Variants in KMT2C observed in about 807,000 individuals in gnomAD.
KMT2C encodes the protein lysine methyltransferase 2C.
A neutral mutation model predicts 507.9 loss-of-function variants in KMT2C; 88 were observed. That is an observed-to-expected ratio of 0.17 (90% CI 0.15 to 0.21). The LOEUF (loss-of-function observed/expected upper bound fraction) is 0.21, where lower values mean the gene tolerates loss of function less well. Ranked by LOEUF, KMT2C falls within the 10% of genes least tolerant of loss-of-function variation. The probability of loss-of-function intolerance (pLI) is 1.00; values close to 1 mark genes in which losing one functional copy is unlikely to be tolerated. For missense variants in KMT2C, 4,954 were observed against 5,957.8 expected (o/e 0.83, Z 5.55); for synonymous variants, 2,049 against 2,080.8 (o/e 0.98, Z 0.42).
chr7:152,154,234 A>G (rs1235412252), intron 47 of KMT2C, 33 bp downstream of exon 47: 1 of 1,612,842 alleles, frequency 6.2e-7, no homozygotes, highest in East Asian at 2.2e-5. Context: ...GCGTAGTGTA[A>G]AGGGAAATAA....
Position 152,250,718 on chromosome 7 carries a change from T to G in KMT2C, c.1735+135A>C. The stretch of plus-strand genomic sequence containing the variant: ...ATGTCCTTTCTCCTATTAATTTGTC[T>G]AAGATTATTTTACTAAAAAACTCTT... On this transcript the variant is annotated intron_variant, in intron 12 of 58. Coordinates refer to ENST00000262189, the MANE Select transcript of KMT2C (RefSeq NM_170606.3). 2 of 565,272 alleles carry G rather than the reference T, an allele frequency of 3.5e-6. 1 individual carries two copies. Among genetic ancestry groups the G allele is most frequent in the South Asian group, 4.9e-5 (2 of 40,836 alleles). The allele number at this position is 565,272 out of a possible 1,614,324, so 35.0% of individuals were successfully genotyped here. A position where few individuals can be genotyped will look rare whatever the true frequency, so the allele number is the denominator to read the frequency against.
chr7:152,284,462 T>C (rs2096266110), intron 6 of KMT2C, among the ~76,000 whole-genome samples: 1 of 152,096 alleles, frequency 6.6e-6, no homozygotes. Flanking sequence ...AATTTAACCA[T>C]AAATGGATTT....
chr7:152,195,527 G>A, intron 28 of KMT2C: 1 of 984,926 alleles, frequency 1.0e-6, no homozygotes, highest in Non-Finnish European at 1.2e-6. Context: ...CTTACCAAAT[G>A]GAAAAGGTGA....
At chr7:152,384,558 C>CACCACCACT in intron 1 of KMT2C, among the ~76,000 whole-genome samples, 1 of 78,988 alleles carries the variant, frequency 1.3e-5, no homozygotes, top group East Asian at 3.2e-4. Context: ...ACACCACCAC[C>CACCACCACT]ACCACCACCA....
intron 23 of KMT2C, among the ~76,000 whole-genome samples, chr7:152,211,960 A>G (rs531327074): frequency 2.0e-5 from 3 of 152,290 alleles, no homozygotes; most frequent in Admixed American, 6.5e-5. Flanking sequence ...AGGCAAGAGA[A>G]TGGCACGAAC....
chr7:152,167,415 TAA>T, intron 41 of KMT2C, 37 bp from the exon 42 acceptor site: 2 of 1,373,344 alleles, frequency 1.5e-6, no homozygotes, highest in Non-Finnish European at 2.1e-6. Flanking sequence ...GTTAATTTTC[TAA>T]AGAGTCCAAC....
At chr7:152,268,557 T>G (rs965306984) in intron 7 of KMT2C, among the ~76,000 whole-genome samples, 3 of 152,202 alleles carry the variant, frequency 2.0e-5, no homozygotes, top group African/African-American at 7.2e-5. Flanking sequence ...TGATAGGCAT[T>G]TAAAATAAAT....
chr7:152,406,837 T>TG (rs2097620643), intron 1 of KMT2C, among the ~76,000 whole-genome samples: 7 of 151,920 alleles, frequency 4.6e-5, no homozygotes, highest in African/African-American at 1.7e-4. Context: ...TTTTTATTTT[T>TG]TGGTTTTTTT....
intron 7 of KMT2C, among the ~76,000 whole-genome samples, chr7:152,271,467 T>C (rs1044388365): frequency 6.6e-5 from 10 of 151,228 alleles, no homozygotes; most frequent in Non-Finnish European, 1.0e-4. Flanking sequence ...AGGTCAGGAG[T>C]TCGAGACGAA....
At chr7:152,283,690 T>C (rs1206089589) in intron 6 of KMT2C, among the ~76,000 whole-genome samples, 2 of 152,084 alleles carry the variant, frequency 1.3e-5, no homozygotes, top group Non-Finnish European at 2.9e-5. Context: ...CCTTGAAACA[T>C]AACTTTGGTG....
chr7:152,364,629 A>AAAAAAAAG (rs1554679999), intron 1 of KMT2C, among the ~76,000 whole-genome samples: 12 of 147,760 alleles, frequency 8.1e-5, no homozygotes, highest in African/African-American at 3.1e-4. Flanking sequence ...AAGAAAAGAA[A>AAAAAAAAG]AAAAGAAAAA....
Position 152,196,018 on chromosome 7 carries a change from A to G in KMT2C, c.4274-7T>C. 6.6e-7 allele frequency: 1 copy of G among 1,513,478 alleles called. No homozygotes were observed. Among genetic ancestry groups the G allele is most frequent in the Non-Finnish European group, 9.1e-7 (1 of 1,103,630 alleles). 93.8% of individuals were successfully genotyped at this position (1,513,478 alleles called of 1,614,324 possible). On this transcript the variant is annotated splice_region_variant and splice_polypyrimidine_tract_variant and intron_variant, in intron 27 of 58. Coordinates refer to ENST00000262189, the MANE Select transcript of KMT2C (RefSeq NM_170606.3). ...AATGGGTCATCAGCAGGACCTAAAT[A>G]TAGTAAATATGTTTTTTAAAATTTC...
At chr7:152,219,838 C>CA (rs1275898368) in intron 23 of KMT2C, among the ~76,000 whole-genome samples, 1 of 151,752 alleles carries the variant, frequency 6.6e-6, no homozygotes, top group Non-Finnish European at 1.5e-5. Flanking sequence ...CCCATCTCTA[C>CA]AAAAAAATAC....
intron 6 of KMT2C, among the ~76,000 whole-genome samples, chr7:152,290,896 A>G (rs77325743): frequency 2.6e-5 from 4 of 151,406 alleles, no homozygotes; most frequent in Non-Finnish European, 3.0e-5. Context: ...ATCTTTTTAA[A>G]TATAAATAAA....
chr7:152,138,695 A>G lies in KMT2C; in HGVS notation c.14643+101T>C, dbSNP rs548486460. 3 of 782,402 alleles carry G rather than the reference A, an allele frequency of 3.8e-6. No homozygotes were observed. The East Asian group carries it at 7.6e-5, about 20-fold the overall frequency. 48.5% of individuals were successfully genotyped at this position (782,402 alleles called of 1,614,324 possible). ...TATTATGGACAGAGTTTTTATCACA[A>G]CAAAGAATTGGGAAACAAGTGAGTA... is the stretch of plus-strand genomic sequence containing the variant. On this transcript the variant is annotated intron_variant, in intron 58 of 58. Coordinates refer to ENST00000262189, the MANE Select transcript of KMT2C (RefSeq NM_170606.3). This position sits in a 1 kb window ranked among gnomAD's most constrained non-coding sequence, Gnocchi z 4.2.
Position 152,151,523 on chromosome 7 carries a change from T to C in KMT2C, c.12585A>G (p.Pro4195=), listed in dbSNP as rs771536940. The C allele has an allele frequency of 1.5e-5, 25 of 1,614,000 alleles. No homozygotes were observed. The East Asian group carries it at 5.3e-4, about 35-fold the overall frequency. The change falls in exon 50 of 59, where the codon CCA becomes CCG. Residue 4195 remains proline, a synonymous_variant. Coordinates refer to ENST00000262189, the MANE Select transcript of KMT2C (RefSeq NM_170606.3). ...HGIAESAALR[P]QWCCHCKVVI... ...CCACTTTACAATGACAACACCACTG[T>C]GGTCTGAGTGCTGCGCTTTCTGCAA...
At chr7:152,306,909 A>G (rs2096619628) in intron 6 of KMT2C, among the ~76,000 whole-genome samples, 3 of 152,188 alleles carry the variant, frequency 2.0e-5, no homozygotes, top group Non-Finnish European at 4.4e-5. Flanking sequence ...CTATAATCCC[A>G]GTACTTCGGG....
chr7:152,252,193 A>G, intron 10 of KMT2C, 103 bp from the exon 11 acceptor site: 3 of 817,210 alleles, frequency 3.7e-6, no homozygotes, highest in Non-Finnish European at 5.5e-6. Context: ...CAGTTAATTA[A>G]GTATGAGAGG....
intron 6 of KMT2C, among the ~76,000 whole-genome samples, chr7:152,308,673 CAAAAAAAAAAAAA>C (rs938826373): frequency 2.4e-3 from 59 of 24,566 alleles, no homozygotes; most frequent in African/African-American, 5.6e-3. Context: ...AAACTCCTCT[CAAAAAAAAAAAAA>C]AAAAAAAAAA....
Sources: allele counts gnomAD v4.1 joint callset (sites outside exome capture counted in the v4.1 genomes callset), GRCh38; gene constraint gnomAD v4.1.1; non-coding constraint Gnocchi (gnomAD v3.1); transcripts MANE v1.5; gene names NCBI Gene and HGNC (gene_info 2026-07-23, HGNC 2026-07-21).